OSBP2: variants seen among roughly 807,000 people sequenced by gnomAD.
The protein encoded by OSBP2 is oxysterol binding protein 2, also known as oxysterol-binding protein 2.
In OSBP2, 66 loss-of-function variants were observed where a neutral mutation model predicts 96.0. That is an observed-to-expected ratio of 0.69 (90% CI 0.56 to 0.84). OSBP2 has a LOEUF of 0.84. OSBP2 is among the 40% of genes least tolerant of loss of function. OSBP2 has a pLI of 0.00. For missense variants in OSBP2, 1,038 were observed against 1,222.7 expected (o/e 0.85, Z 2.25); for synonymous variants, 525 against 520.9 (o/e 1.01, Z -0.11).
intron 8 of OSBP2, among the ~76,000 whole-genome samples, chr22:30,891,710 G>A (rs1470664908): frequency 5.3e-5 from 8 of 152,136 alleles, no homozygotes; most frequent in Non-Finnish European, 1.0e-4. Flanking sequence ...CTGGTTTGCC[G>A]ACGCTTTGGA....
chr22:30,741,278 C>A lies in OSBP2; in HGVS notation c.762C>A (p.Leu254=). The change falls in exon 2 of 14, where the codon CTC becomes CTA. Residue 254 remains leucine (L), a synonymous_variant. Transcript: ENST00000332585. The stretch of plus-strand genomic sequence containing the variant: ...CCAGTGGGGCCAGGAGCTACCACCT[C>A]AAGGCCAGCTCAGAGGTGGACCGGC... ...LLTSGARSYH[L]KASSEVDRQQ... is the part of the protein sequence containing the mutation. 2 of 1,614,048 alleles carry A rather than the reference C, an allele frequency of 1.2e-6. No homozygotes were observed. Among genetic ancestry groups the A allele is most frequent in the African/African-American group, 1.3e-5 (1 of 75,052 alleles).
chr22:30,799,690 CT>C (rs2090823443), intron 2 of OSBP2, among the ~76,000 whole-genome samples: 1 of 152,214 alleles, frequency 6.6e-6, no homozygotes, highest in Admixed American at 6.5e-5. Flanking sequence ...TGGCAAATGC[CT>C]TTTTCATTCT....
chr22:30,897,595 C>G (rs1162428595), intron 12 of OSBP2, among the ~76,000 whole-genome samples: 2 of 151,952 alleles, frequency 1.3e-5, no homozygotes, highest in Non-Finnish European at 2.9e-5. Context: ...AACTCATAGG[C>G]AAAATAAATT....
chr22:30,752,857 T>C (rs2090095300), intron 2 of OSBP2, among the ~76,000 whole-genome samples: 1 of 152,218 alleles, frequency 6.6e-6, no homozygotes, highest in South Asian at 2.1e-4. Flanking sequence ...TGTCATGTGA[T>C]ACTATACTAG....
At chr22:30,827,866 G>A (rs939921856) in intron 2 of OSBP2, among the ~76,000 whole-genome samples, 3 of 152,214 alleles carry the variant, frequency 2.0e-5, no homozygotes, top group African/African-American at 7.2e-5. Flanking sequence ...ATAATCATTG[G>A]CCATATCATT....
chr22:30,812,186 G>A (rs1415188416), intron 2 of OSBP2, among the ~76,000 whole-genome samples: 2 of 151,588 alleles, frequency 1.3e-5, no homozygotes, highest in East Asian at 1.9e-4. Context: ...TTTTATTTTT[G>A]AGACAGCCTC....
chr22:30,744,393 C>G (rs1041316155), intron 2 of OSBP2, among the ~76,000 whole-genome samples: 2 of 152,104 alleles, frequency 1.3e-5, no homozygotes. Context: ...TGTGGGTTAT[C>G]CCGGGGCCTG....
chr22:30,700,148 T>C (rs1377750410), intron 1 of OSBP2, among the ~76,000 whole-genome samples: 1 of 151,938 alleles, frequency 6.6e-6, no homozygotes, highest in African/African-American at 2.4e-5. Context: ...GTATTTTTAG[T>C]AGAGACGGGG....
rs531417367 is a variant in OSBP2, at chr22:30,890,476, A to G, written c.1624-252A>G. Among the ~76,000 whole-genome samples the G allele has an allele frequency of 1.2e-4, 19 of 152,280 alleles. No individual in the cohort carries two copies. Among genetic ancestry groups the G allele is most frequent in the Admixed American group, 6.5e-5 (1 of 15,302 alleles). On this transcript the variant is annotated intron_variant, in intron 7 of 13. Transcript: ENST00000332585. The surrounding 1 kb of genome is among the most constrained non-coding windows in gnomAD (Gnocchi z 4.4). Reference sequence around the variant, plus strand: ...GTGGGTGTCCATCCGAGCAGAGGAGAGCAACAGTGAACATGATAAAAGTGT... The same window carrying G: ...GTGGGTGTCCATCCGAGCAGAGGAGGGCAACAGTGAACATGATAAAAGTGT...
chr22:30,787,257 G>GGC (rs1347853021), intron 2 of OSBP2, among the ~76,000 whole-genome samples: 1 of 152,176 alleles, frequency 6.6e-6, no homozygotes, highest in African/African-American at 2.4e-5. Context: ...CAGTCATGGC[G>GGC]GAAGGGGAAG....
At chr22:30,705,674 G>A (rs2089241883) in intron 1 of OSBP2, among the ~76,000 whole-genome samples, 1 of 152,116 alleles carries the variant, frequency 6.6e-6, no homozygotes, top group Non-Finnish European at 1.5e-5. Flanking sequence ...CGTTTCTCAG[G>A]GAGGGTCTGT....
intron 1 of OSBP2, among the ~76,000 whole-genome samples, chr22:30,697,445 A>AT (rs2089065333): frequency 2.6e-5 from 4 of 151,768 alleles, no homozygotes; most frequent in Non-Finnish European, 5.9e-5. Context: ...CACACGGTTA[A>AT]TTTTTGTATT....
intron 1 of OSBP2, among the ~76,000 whole-genome samples, chr22:30,719,764 GA>G (rs979073829): frequency 4.1e-3 from 519 of 127,434 alleles, no homozygotes; most frequent in East Asian, 0.018. Flanking sequence ...AAAAAAAAAA[GA>G]AAAAAAAAAA....
At chr22:30,775,500 C>T (rs1005652147) in intron 2 of OSBP2, among the ~76,000 whole-genome samples, 1 of 151,696 alleles carries the variant, frequency 6.6e-6, no homozygotes. Flanking sequence ...GTCTGTAATC[C>T]CAGCTACTTG....
intron 2 of OSBP2, among the ~76,000 whole-genome samples, chr22:30,829,045 G>A (rs933601689): frequency 1.3e-5 from 2 of 152,142 alleles, no homozygotes; most frequent in African/African-American, 4.8e-5. Context: ...CAGTGACAGT[G>A]AGGAAGGCAT....
At chr22:30,878,669 A>C (rs2039635864) in intron 3 of OSBP2, among the ~76,000 whole-genome samples, 1 of 152,124 alleles carries the variant, frequency 6.6e-6, no homozygotes, top group Non-Finnish European at 1.5e-5. Context: ...GATGCTTACC[A>C]GGCCTGATGG....
chr22:30,866,315 G>C (rs571277782), intron 2 of OSBP2, among the ~76,000 whole-genome samples: 30 of 152,350 alleles, frequency 2.0e-4, no homozygotes, highest in African/African-American at 6.5e-4. Flanking sequence ...TATGAGTGAA[G>C]GAGTAAGGGC....
rs1247376670 is a variant in OSBP2 at position 30,711,335 on chromosome 22, A to G, written c.644+15782A>G. Among the ~76,000 whole-genome samples the G allele has an allele frequency of 7.2e-5, 11 of 151,920 alleles. No individual in the cohort carries two copies. The East Asian group carries it at 1.9e-3, about 27-fold the overall frequency. ...TTTGATACTATATATATGTACATAC[A>G]TATATATATAAATACATTTATATCC... is the stretch of plus-strand genomic sequence containing the variant. On this transcript the variant is annotated intron_variant, in intron 1 of 13. Transcript: ENST00000332585.
intron 8 of OSBP2, among the ~76,000 whole-genome samples, chr22:30,891,654 G>C (rs1418021011): frequency 6.6e-6 from 1 of 152,186 alleles, no homozygotes; most frequent in East Asian, 1.9e-4. Flanking sequence ...CAGACCTGGG[G>C]GAAGGGGGAG....
Sources: gnomAD v4.1 joint callset for allele counts (sites outside exome capture counted in the v4.1 genomes callset) on GRCh38, gnomAD v4.1.1 for gene constraint, Gnocchi (gnomAD v3.1) non-coding constraint, MANE v1.5 for transcripts, NCBI Gene and HGNC (gene_info 2026-07-23, HGNC 2026-07-21) for gene names.